Variants in HIPK2 observed in about 807,000 individuals in gnomAD.
HIPK2 encodes the protein homeodomain interacting protein kinase 2.
In HIPK2, 27 loss-of-function variants were observed where a neutral mutation model predicts 113.7. The observed-to-expected ratio is 0.24, with a 90% CI of 0.17 to 0.33. HIPK2 has a LOEUF of 0.33. Among genes scored for constraint, HIPK2 ranks in the 10% least tolerant of loss-of-function variants. The pLI, the probability that HIPK2 is intolerant of heterozygous loss-of-function variation, is 1.00. For synonymous variants in HIPK2, 631 were observed against 642.2 expected (o/e 0.98, Z 0.26); for missense variants, 1,257 against 1,588.0 (o/e 0.79, Z 3.54).
At chr7:139,688,291 G>A (rs1794290785) in intron 2 of HIPK2, among the ~76,000 whole-genome samples, 1 of 152,164 alleles carries the variant, frequency 6.6e-6, no homozygotes, top group South Asian at 2.1e-4. Context: ...CATTCTCTTG[G>A]TCTGGCAGTC....
chr7:139,753,279 AG>A (rs1796310075), intron 1 of HIPK2, among the ~76,000 whole-genome samples: 1 of 152,184 alleles, frequency 6.6e-6, no homozygotes, highest in South Asian at 2.1e-4. Flanking sequence ...GCTGAGTGGC[AG>A]GTAATAAAAA....
At chr7:139,757,093 G>A (rs1354995864) in intron 1 of HIPK2, among the ~76,000 whole-genome samples, 2 of 152,060 alleles carry the variant, frequency 1.3e-5, no homozygotes, top group South Asian at 2.1e-4. Flanking sequence ...AGAATCTAGA[G>A]CTAAAAATCA....
Position 139,716,408 on chromosome 7 carries a change from C to A in HIPK2, c.627G>T (p.Thr209=). ...TCCAGCACTTGACCACTTGCCCAAA[C>A]GTCCCTCGGCCCAAGAACTCTAAGA... is the stretch of plus-strand genomic sequence containing the variant. ...YEVLEFLGRG[T]FGQVVKCWKR... Residue 209 remains threonine (T), a synonymous_variant, in exon 2 of 15, where the codon ACG becomes ACT. Transcript: ENST00000406875. This position sits in a 1 kb window ranked among gnomAD's most constrained non-coding sequence, Gnocchi z 9.3. 6.2e-7 allele frequency: 1 copy of A among 1,614,016 alleles called. No homozygotes were observed. The highest frequency in any genetic ancestry group is 8.5e-7 in the Non-Finnish European group (1 of 1,179,916).
At chr7:139,632,601 C>T (rs1378492639) in intron 2 of HIPK2, among the ~76,000 whole-genome samples, 1 of 152,152 alleles carries the variant, frequency 6.6e-6, no homozygotes, top group African/African-American at 2.4e-5. Context: ...GGAGTTCTGT[C>T]CCTTCAAGGA....
intron 6 of HIPK2, among the ~76,000 whole-genome samples, chr7:139,624,026 T>G (rs1800334531): frequency 8.1e-6 from 1 of 124,116 alleles, no homozygotes; most frequent in Non-Finnish European, 1.8e-5. Flanking sequence ...AACGGCTTCC[T>G]ATTTTTTTTT....
chr7:139,771,929 C>T lies in HIPK2; in HGVS notation c.19+5676G>A, dbSNP rs913330430. Among the ~76,000 whole-genome samples the T allele has an allele frequency of 3.3e-5, 5 of 152,264 alleles. No individual in the cohort carries two copies. In the East Asian group the frequency reaches 9.6e-4, roughly 29 times the overall value. On this transcript the variant is annotated intron_variant, in intron 1 of 14. Transcript: ENST00000406875. ...GACAGCAGGCGAGATTTCAGCCAGG[C>T]CCAGGAATTTCTTGACAATCAGGTT... is the stretch of plus-strand genomic sequence containing the variant.
intron 2 of HIPK2, among the ~76,000 whole-genome samples, chr7:139,680,883 C>T (rs548414925): frequency 1.3e-5 from 2 of 152,354 alleles, no homozygotes; most frequent in East Asian, 3.9e-4. Flanking sequence ...GCCCATTACT[C>T]AGCCATGGGC....
intron 2 of HIPK2, among the ~76,000 whole-genome samples, chr7:139,680,190 G>T (rs1037148437): frequency 6.6e-6 from 1 of 152,208 alleles, no homozygotes; most frequent in African/African-American, 2.4e-5. Flanking sequence ...AGGTACCCGG[G>T]AATGTTCCCT....
chr7:139,596,711 C>T lies in HIPK2; in HGVS notation c.2717+6G>A, dbSNP rs141727948. 8.6e-4 allele frequency: 1,385 copies of T among 1,607,948 alleles called. 13 individuals carry two copies. In the African/African-American group the frequency reaches 0.016, roughly 18 times the overall value. Reference sequence around the variant, plus strand: ...TTCCTGGAAGGCTAAGGTGGCACTGCCTCACCTGGTGGGGGCGTGTTTCTG... The same window carrying T: ...TTCCTGGAAGGCTAAGGTGGCACTGTCTCACCTGGTGGGGGCGTGTTTCTG... On this transcript the variant is annotated splice_donor_region_variant and intron_variant, in intron 12 of 14. Transcript: ENST00000406875.
chr7:139,660,861 G>A (rs1257983675), intron 2 of HIPK2, among the ~76,000 whole-genome samples: 1 of 152,212 alleles, frequency 6.6e-6, no homozygotes, highest in Non-Finnish European at 1.5e-5. Context: ...GCAGGAGATA[G>A]GAAGTGGTAT....
At chr7:139,660,318 A>T (rs1180639862) in intron 2 of HIPK2, among the ~76,000 whole-genome samples, 1 of 152,240 alleles carries the variant, frequency 6.6e-6, no homozygotes, top group Non-Finnish European at 1.5e-5. Flanking sequence ...GTTGTTTTTA[A>T]TTAGAGCCTC....
At chr7:139,584,424 A>C (rs1193243922) in intron 12 of HIPK2, among the ~76,000 whole-genome samples, 2 of 152,234 alleles carry the variant, frequency 1.3e-5, no homozygotes, top group African/African-American at 4.8e-5. Flanking sequence ...TGGGCCTGCC[A>C]GAATGGGACA....
rs150944892 is a variant in HIPK2, at chr7:139,720,893, C to T, written c.20-3878G>A. Among the ~76,000 whole-genome samples the T allele has an allele frequency of 4.6e-3, 694 of 152,210 alleles. 8 individuals are homozygous for T. Among genetic ancestry groups the T allele is most frequent in the African/African-American group, 0.016 (649 of 41,502 alleles). On this transcript the variant is annotated intron_variant, in intron 1 of 14. Transcript: ENST00000406875. ...TTCAAAAAGATCTTGGTGGAAAGGC[C>T]GTCCACGGTGCAGAAGTGGAATTTT...
In HIPK2 at chr7:139,573,028, G is replaced by A; in HGVS notation, c.3496C>T (p.Gln1166Ter). The change falls in exon 15 of 15, where the codon CAA (glutamine) becomes TAA (stop). Residue 1166 changes from glutamine to a stop codon, truncating the protein, a stop_gained. Coordinates refer to ENST00000406875, the MANE Select transcript of HIPK2 (RefSeq NM_022740.5). LOFTEE classifies it high-confidence loss of function. ...PTIHPSQYPA[Q>*]FAHQTYISAS... ...CTGATGTAGGTCTGGTGGGCAAATT[G>A]GGCTGGATACTGACTCGGGTGGATG... 1 of 1,612,596 alleles carries A rather than the reference G, an allele frequency of 6.2e-7. No homozygotes were observed. The highest frequency in any genetic ancestry group is 8.5e-7 in the Non-Finnish European group (1 of 1,179,486).
At chr7:139,658,233 G>A (rs368745734) in intron 2 of HIPK2, among the ~76,000 whole-genome samples, 157 of 151,866 alleles carry the variant, frequency 1.0e-3, no homozygotes, top group African/African-American at 3.6e-3. Context: ...TTGAACCCAG[G>A]AGGCGGAGGT....
chr7:139,706,053 TC>T (rs1434682043), intron 2 of HIPK2, among the ~76,000 whole-genome samples: 1 of 152,280 alleles, frequency 6.6e-6, no homozygotes, highest in Non-Finnish European at 1.5e-5. Context: ...ATGCTGTCTT[TC>T]TATCCTCAAG....
At position 139,567,830 on chromosome 7, in the gene HIPK2, G is replaced by C. The variant is rs1798140148; in HGVS notation, c.*5097C>G. Reference sequence around the variant, plus strand: ...TTCCTTCTTTCCATTTTCTGTCCTAGGGTCTACTTGACAGGCCAACAAGAG... The same window carrying C: ...TTCCTTCTTTCCATTTTCTGTCCTACGGTCTACTTGACAGGCCAACAAGAG... On this transcript the variant is annotated 3_prime_UTR_variant, in exon 15 of 15. Coordinates refer to ENST00000406875, the MANE Select transcript of HIPK2 (RefSeq NM_022740.5). 1 of 152,216 alleles carries C rather than the reference G, an allele frequency of 6.6e-6. No homozygotes were observed. The highest frequency in any genetic ancestry group is 2.4e-5 in the African/African-American group (1 of 41,430). The allele number at this position is 152,216 out of a possible 1,614,324, so 9.4% of individuals were successfully genotyped here.
At chr7:139,775,780 GCATGGCCTACCTTC>G (rs1042632452) in intron 1 of HIPK2, among the ~76,000 whole-genome samples, 3 of 152,186 alleles carry the variant, frequency 2.0e-5, no homozygotes, top group African/African-American at 7.2e-5. Flanking sequence ...AGCCTCGGGG[GCATGGCCTACCTTC>G]CATATGGATT....
intron 2 of HIPK2, among the ~76,000 whole-genome samples, chr7:139,681,408 A>G (rs183451278): frequency 6.6e-6 from 1 of 152,256 alleles, no homozygotes; most frequent in East Asian, 1.9e-4. Flanking sequence ...TTGCAGTGAA[A>G]TTATCAGAAC....
Sources: allele counts gnomAD v4.1 joint callset (sites outside exome capture counted in the v4.1 genomes callset), GRCh38; gene constraint gnomAD v4.1.1; non-coding constraint Gnocchi (gnomAD v3.1); transcripts MANE v1.5; gene names NCBI Gene and HGNC (gene_info 2026-07-23, HGNC 2026-07-21).